ZDHHC19: variants seen among roughly 807,000 people sequenced by gnomAD.
The protein encoded by ZDHHC19 is zDHHC palmitoyltransferase 19.
A neutral mutation model predicts 33.9 loss-of-function variants in ZDHHC19; 30 were observed. The observed-to-expected ratio is 0.88, with a 90% confidence interval of 0.66 to 1.20. The LOEUF is 1.20. ZDHHC19 is among the 50% of genes most tolerant of loss of function. The pLI is 0.00. For synonymous variants in ZDHHC19, 178 were observed against 167.6 expected, an observed-to-expected ratio of 1.06 and a Z score of -0.48; for missense variants, 364 against 401.1, an observed-to-expected ratio of 0.91 and a Z score of 0.79.
intron 7 of ZDHHC19, 32 bp downstream of exon 7, chr3:196,198,244 C>T (rs1034421711): frequency 2.7e-6 from 4 of 1,457,736 alleles, no homozygotes; most frequent in Non-Finnish European, 3.6e-6. Flanking sequence ...TCCCGACACG[C>T]ACAGACACCC....
At chr3:196,200,842 G>C (rs575872201) in intron 5 of ZDHHC19, among the ~76,000 whole-genome samples, 1 of 151,204 alleles carries the variant, frequency 6.6e-6, no homozygotes, top group Non-Finnish European at 1.5e-5. Context: ...CAGGAATGGG[G>C]TCTGGCTATG....
chr3:196,208,677 C>G (rs1287710847), intron 3 of ZDHHC19, 117 bp from the exon 4 acceptor site: 1 of 1,189,968 alleles, frequency 8.4e-7, no homozygotes, highest in Non-Finnish European at 1.2e-6. Flanking sequence ...GGCCCATGCA[C>G]TGGCTTCCAC....
intron 5 of ZDHHC19, among the ~76,000 whole-genome samples, chr3:196,200,404 G>C (rs1428188215): frequency 6.8e-6 from 1 of 146,136 alleles, no homozygotes; most frequent in Admixed American, 6.9e-5. Context: ...ACCCAGGCTG[G>C]AGTGCAGTGG....
intron 1 of ZDHHC19, 144 bp from the exon 2 acceptor site, chr3:196,210,881 T>A: frequency 7.5e-7 from 1 of 1,331,244 alleles, no homozygotes; most frequent in Non-Finnish European, 1.0e-6. Flanking sequence ...AGACTCATAA[T>A]GGCTCCACCA....
At position 196,211,292 on chromosome 3, in the gene ZDHHC19, C is replaced by T. The variant is rs766426517; in HGVS notation, c.24G>A (p.Thr8=). 10 of 1,613,490 alleles carry T rather than the reference C, an allele frequency of 6.2e-6. No homozygotes were observed. Among genetic ancestry groups the T allele is most frequent in the Admixed American group, 1.7e-5 (1 of 59,958 alleles). ...GGGGATGGGGCTCCTTCACCAGCGG[C>T]GTGGCATCCGTTAAGAGTGTCATGG... The part of the protein sequence containing the change: MTLLTDA[T]PLVKEPHPLP... Residue 8 remains threonine (T), a synonymous_variant, in exon 1 of 8, where the codon ACG becomes ACA. Transcript: ENST00000296326.
intron 3 of ZDHHC19, chr3:196,208,962 C>T (rs542568113): frequency 1.1e-5 from 3 of 272,670 alleles, no homozygotes; most frequent in Non-Finnish European, 2.1e-5. Flanking sequence ...GCCGTGCTCT[C>T]GAGAGAGATG....
chr3:196,200,653 C>CTTTT (rs71621224), intron 5 of ZDHHC19, among the ~76,000 whole-genome samples: 1 of 129,818 alleles, frequency 7.7e-6, no homozygotes, highest in African/African-American at 2.9e-5. Context: ...CACGCCTGGC[C>CTTTT]TTTTTTTTTT....
At chr3:196,210,434 G>GTGAA (rs1723188172) in intron 2 of ZDHHC19, among the ~76,000 whole-genome samples, 182 bp downstream of exon 2, 1 of 92,422 alleles carries the variant, frequency 1.1e-5, no homozygotes, top group African/African-American at 6.3e-5. Flanking sequence ...AAGAAAGAAA[G>GTGAA]AGAAAGAAAG....
At chr3:196,207,969 C>T (rs1303879741) in intron 4 of ZDHHC19, among the ~76,000 whole-genome samples, 1 of 150,100 alleles carries the variant, frequency 6.7e-6, no homozygotes, top group Non-Finnish European at 1.5e-5. Flanking sequence ...GCACAATCAC[C>T]GCTCACTGCA....
At chr3:196,207,265 G>T in intron 5 of ZDHHC19, 133 bp downstream of exon 5, 1 of 702,370 alleles carries the variant, frequency 1.4e-6, no homozygotes, top group Non-Finnish European at 2.3e-6. Context: ...CCTCTTAAGA[G>T]CTGGGTCTGG....
rs1236473591 is a variant in ZDHHC19, at chr3:196,210,262, AG to A, written c.268+353del. 2.9e-3 allele frequency among the ~76,000 whole-genome samples: 311 copies of A among 108,944 alleles called. 2 individuals are homozygous for A. The highest frequency in any genetic ancestry group is 9.8e-3 in the African/African-American group (301 of 30,736). 71.5% of individuals were successfully genotyped at this position (108,944 alleles called of 152,430 possible). ...GAAAGAAAGAAAGAAAAAGAAAGAA[AG>A]AAAAGAGAAAGAAAGAAAGAAAGAA... On this transcript the variant is annotated intron_variant, in intron 2 of 7. Coordinates refer to ENST00000296326, the MANE Select transcript of ZDHHC19 (RefSeq NM_001039617.2).
rs1236408303 is a variant in ZDHHC19 at position 196,210,655 on chromosome 3, C to G, written c.229G>C (p.Val77Leu). 6.2e-7 allele frequency: 1 copy of G among 1,613,924 alleles called. No individual in the cohort carries two copies. The highest frequency in any genetic ancestry group is 8.5e-7 in the Non-Finnish European group (1 of 1,179,988). Residue 77 changes from valine to leucine, a missense_variant, in exon 2 of 8, where the codon GTT becomes CTT. By Grantham distance (32) the Val-to-Leu change is conservative. Coordinates refer to ENST00000296326, the MANE Select transcript of ZDHHC19 (RefSeq NM_001039617.2). ...CCAGGGTCTGAGAAGTTGAGTGAAA[C>G]AAGACTGAAGAAGGTAAGGACAAAG... ...SLFVLTFFSL[V>L]SLNFSDPGIL...
At chr3:196,199,174 T>C (rs1167067931) in intron 5 of ZDHHC19, among the ~76,000 whole-genome samples, 1 of 152,228 alleles carries the variant, frequency 6.6e-6, no homozygotes. Flanking sequence ...CCCAGGAAAA[T>C]CTGGGCTAAA....
At chr3:196,198,699 G>A (rs1312688023) in intron 6 of ZDHHC19, 90 bp downstream of exon 6, 3 of 1,604,542 alleles carry the variant, frequency 1.9e-6, no homozygotes, top group Non-Finnish European at 2.6e-6. Context: ...GTGAGTGTAA[G>A]GGCCTGGGGC....
chr3:196,198,164 G>A (rs912216743), intron 7 of ZDHHC19, 112 bp downstream of exon 7: 21 of 1,076,034 alleles, frequency 2.0e-5, no homozygotes, highest in South Asian at 9.4e-5. Flanking sequence ...AGCTCGGAGC[G>A]CTCCAGCTTC....
chr3:196,200,141 A>G (rs1361259906), intron 5 of ZDHHC19, among the ~76,000 whole-genome samples: 5 of 150,722 alleles, frequency 3.3e-5, no homozygotes, highest in African/African-American at 1.2e-4. Flanking sequence ...TGGCTGTGGC[A>G]TTGTGCACCT....
rs750886646 is a variant in ZDHHC19, at chr3:196,198,869, T to C, written c.693A>G (p.Arg231=). The change falls in exon 6 of 8, where the codon AGA becomes AGG. Residue 231 remains arginine (R), a synonymous_variant. Coordinates refer to ENST00000296326, the MANE Select transcript of ZDHHC19 (RefSeq NM_001039617.2). ...CGAAGGGGTTGTATCCCTGAAGGTG[T>C]CTGCACTGGTCGGGGATGGAAACCG... ...SADRTYKGKC[R]HLQGYNPFDQ... The C allele has an allele frequency of 6.2e-7, 1 of 1,613,788 alleles. No homozygotes were observed.
At chr3:196,209,687 A>G (rs1723058071) in intron 2 of ZDHHC19, among the ~76,000 whole-genome samples, 172 bp from the exon 3 acceptor site, 1 of 152,228 alleles carries the variant, frequency 6.6e-6, no homozygotes. Context: ...GTCAAAGGGA[A>G]GACGGGTTTC....
In ZDHHC19 at chr3:196,201,333, T is replaced by TGGGATTACA. The variant is rs548005201; in HGVS notation, c.688-2468_688-2460dup. On this transcript the variant is annotated intron_variant, in intron 5 of 7. Coordinates refer to ENST00000296326, the MANE Select transcript of ZDHHC19 (RefSeq NM_001039617.2). ...CGCCCACCTCGGCCTCCCAAAGTGC[T>TGGGATTACA]GGGATTACAGCCGTGAGCCACCGCA... Among the ~76,000 whole-genome samples, 350 of 151,720 alleles carry TGGGATTACA rather than the reference T, an allele frequency of 2.3e-3. 8 individuals carry two copies. Among genetic ancestry groups the TGGGATTACA allele is most frequent in the African/African-American group, 7.0e-3 (289 of 41,210 alleles).
Sources: gnomAD v4.1 joint callset for allele counts (sites outside exome capture counted in the v4.1 genomes callset) on GRCh38, gnomAD v4.1.1 for gene constraint, MANE v1.5 for transcripts, NCBI Gene and HGNC (gene_info 2026-07-23, HGNC 2026-07-21) for gene names.